The following UBE3B variants were observed in gnomAD, a reference collection of about 807,000 sequenced individuals.
UBE3B encodes the protein ubiquitin-protein ligase E3B.
A neutral mutation model predicts 132.3 loss-of-function variants in UBE3B; 80 were observed. The observed-to-expected ratio is 0.60, with a 90% CI of 0.50 to 0.73. The LOEUF (loss-of-function observed/expected upper bound fraction) is 0.73, where lower values mean the gene tolerates loss of function less well. Among genes scored for constraint, UBE3B ranks in the 30% least tolerant of loss-of-function variants. The pLI, the probability that UBE3B is intolerant of heterozygous loss-of-function variation, is 0.00. For synonymous variants in UBE3B, 487 were observed against 520.4 expected, an observed-to-expected ratio of 0.94 and a Z score of 0.87; for missense variants, 1,196 against 1,362.5, an observed-to-expected ratio of 0.88 and a Z score of 1.92.
At chr12:109,536,842 C>G (rs942111737), downstream of UBE3B, 1 of 152,206 alleles carries the variant, frequency 6.6e-6, no homozygotes, top group Non-Finnish European at 1.5e-5. Flanking sequence ...ATCTCCCCAG[C>G]CAGAGTTCAG....
chr12:109,547,479 G>T, the UBE3B span, among the ~76,000 whole-genome samples: 1 of 152,250 alleles, frequency 6.6e-6, no homozygotes, highest in Admixed American at 6.5e-5. This position sits in a 1 kb window ranked among gnomAD's most constrained non-coding sequence, Gnocchi z 4.1. Flanking sequence ...ACACGCACAC[G>T]CATGCATGCA....
intron 13 of UBE3B, 24 bp downstream of exon 13, chr12:109,501,558 C>T: frequency 6.2e-7 from 1 of 1,601,380 alleles, no homozygotes; most frequent in Non-Finnish European, 8.5e-7. Flanking sequence ...GCAGGCCCAA[C>T]CCTGTAGCTC....
At position 109,524,480 on chromosome 12, in the gene UBE3B, TACG is replaced by T. The variant is rs748791009; in HGVS notation, c.2550_2552del (p.Asp850del). 1 of 1,614,194 alleles carries T rather than the reference TACG, an allele frequency of 6.2e-7. No homozygotes were observed. The highest frequency in any genetic ancestry group is 1.1e-5 in the South Asian group (1 of 91,092). On this transcript the variant is annotated inframe_deletion, in exon 23 of 28. Transcript: ENST00000342494. ...CACTGACCTGGGCCTGACGCTGTCTTACGACGAGGACGTCATGGGTCAGGTAGG... is the reference window on the plus strand; with the variant it reads ...CACTGACCTGGGCCTGACGCTGTCTTACGAGGACGTCATGGGTCAGGTAGG...
intron 14 of UBE3B, among the ~76,000 whole-genome samples, chr12:109,505,087 G>A (rs1879499126): frequency 6.6e-6 from 1 of 152,148 alleles, no homozygotes; most frequent in South Asian, 2.1e-4. Context: ...ATTTTCCCAA[G>A]TGAGAGAATC....
At chr12:109,498,624 G>A (rs1465775399) in intron 11 of UBE3B, among the ~76,000 whole-genome samples, 1 of 152,190 alleles carries the variant, frequency 6.6e-6, no homozygotes, top group South Asian at 2.1e-4. Context: ...AAGTGAAAAT[G>A]TGGTGAATTG....
At chr12:109,499,511 C>T (rs1225097455) in intron 11 of UBE3B, 122 bp from the exon 12 acceptor site, 2 of 1,007,564 alleles carry the variant, frequency 2.0e-6, no homozygotes, top group African/African-American at 3.4e-5. Flanking sequence ...ACAGGTGCCC[C>T]TTATGTGGAA....
rs764552728 is a variant in UBE3B, at chr12:109,486,460, C to T, written c.343-11C>T. The T allele has an allele frequency of 8.8e-6, 14 of 1,591,432 alleles. No individual in the cohort carries two copies. The highest frequency in any genetic ancestry group is 1.2e-5 in the Non-Finnish European group (14 of 1,169,506). On this transcript the variant is annotated splice_polypyrimidine_tract_variant and intron_variant, in intron 5 of 27. Coordinates refer to ENST00000342494, the MANE Select transcript of UBE3B (RefSeq NM_130466.4). ...AACAGCCCATGACATTCCTCTTTTT[C>T]CCACCTATAGGTGTGGTATGTGTCC... is the stretch of plus-strand genomic sequence containing the variant.
intron 2 of UBE3B, among the ~76,000 whole-genome samples, chr12:109,483,066 G>T (rs1351384337): frequency 6.6e-6 from 1 of 152,202 alleles, no homozygotes; most frequent in Admixed American, 6.5e-5. Flanking sequence ...AAATAATCAT[G>T]TTGGATTTTT....
At chr12:109,545,016 G>C in the UBE3B span, among the ~76,000 whole-genome samples, 1 of 152,180 alleles carries the variant, frequency 6.6e-6, no homozygotes, top group Admixed American at 6.5e-5. Context: ...CAGGATATGA[G>C]GAACTGGGAT....
chr12:109,527,860 A>T (rs1272655448), intron 24 of UBE3B, among the ~76,000 whole-genome samples: 4 of 152,202 alleles, frequency 2.6e-5, no homozygotes, highest in Non-Finnish European at 5.9e-5. Context: ...AGGAGGGCTT[A>T]AATGACAGCA....
Position 109,501,386 on chromosome 12 carries a change from G to A in UBE3B, c.1134G>A (p.Met378Ile). ...QSVDYGLNESMHLITKQLQFL... is the reference protein window; with the variant it reads ...QSVDYGLNESIHLITKQLQFL... ...TCTCTCCTAGCCTTAACGAGTCAAT[G>A]CACTTGATCACCAAACAGCTGCAGT... The change falls in exon 13 of 28, where the codon ATG (methionine) becomes ATA (isoleucine). Residue 378 changes from methionine (M) to isoleucine (I), a missense_variant. By Grantham distance (10) the Met-to-Ile change is conservative. Coordinates refer to ENST00000342494, the MANE Select transcript of UBE3B (RefSeq NM_130466.4). 6.2e-7 allele frequency: 1 copy of A among 1,614,138 alleles called. No homozygotes were observed. The highest frequency in any genetic ancestry group is 8.5e-7 in the Non-Finnish European group (1 of 1,180,030).
the UBE3B span, among the ~76,000 whole-genome samples, chr12:109,544,988 T>C: frequency 6.6e-6 from 1 of 152,178 alleles, no homozygotes; most frequent in Non-Finnish European, 1.5e-5. Context: ...GTGAGTGACT[T>C]GCCCAGGGAC....
rs1878486220 is a variant in UBE3B at position 109,498,220 on chromosome 12, C to T, written c.820-13C>T. 4 of 1,613,592 alleles carry T rather than the reference C, an allele frequency of 2.5e-6. No homozygotes were observed. The highest frequency in any genetic ancestry group is 3.4e-6 in the Non-Finnish European group (4 of 1,179,826). ...TGGCAGTTTCTGATTTAACGGTCTG[C>T]TATTCTTTGCAGCGCCTCACTGTTT... On this transcript the variant is annotated splice_polypyrimidine_tract_variant and intron_variant, in intron 10 of 27. Transcript: ENST00000342494.
At chr12:109,490,321 G>C in intron 8 of UBE3B, 1 of 1,370,116 alleles carries the variant, frequency 7.3e-7, no homozygotes, top group Non-Finnish European at 9.7e-7. Flanking sequence ...TTGATGTCTA[G>C]AATCATATTT....
At chr12:109,501,571 C>T (rs1311045510) in intron 13 of UBE3B, 37 bp downstream of exon 13, 4 of 1,594,834 alleles carry the variant, frequency 2.5e-6, no homozygotes, top group Non-Finnish European at 3.4e-6. Flanking sequence ...TGTAGCTCCA[C>T]TTGGCTGAAG....
intron 9 of UBE3B, among the ~76,000 whole-genome samples, chr12:109,496,504 T>G (rs1334766940): frequency 6.6e-6 from 1 of 152,144 alleles, no homozygotes; most frequent in Non-Finnish European, 1.5e-5. Context: ...TTCCCAGGAG[T>G]AGTGTTGTGT....
intron 9 of UBE3B, 157 bp downstream of exon 9, chr12:109,491,284 C>T (rs916845601): frequency 3.7e-6 from 2 of 536,570 alleles, no homozygotes; most frequent in Admixed American, 7.3e-5. Context: ...ACATTTGTGA[C>T]TGCTCAAACT....
At chr12:109,511,938 G>A (rs188419638) in intron 18 of UBE3B, among the ~76,000 whole-genome samples, 38 of 152,294 alleles carry the variant, frequency 2.5e-4, no homozygotes, top group African/African-American at 8.9e-4. Flanking sequence ...TTTTAAGGAG[G>A]CCTCAGAGAA....
chr12:109,487,545 C>T (rs1180648526), intron 6 of UBE3B, among the ~76,000 whole-genome samples: 1 of 152,182 alleles, frequency 6.6e-6, no homozygotes, highest in Non-Finnish European at 1.5e-5. Context: ...ACACTATGTT[C>T]CTCGGAGCCC....
Sources: allele counts gnomAD v4.1 joint callset (sites outside exome capture counted in the v4.1 genomes callset), GRCh38; gene constraint gnomAD v4.1.1; non-coding constraint Gnocchi (gnomAD v3.1); transcripts MANE v1.5; gene names NCBI Gene and HGNC (gene_info 2026-07-23, HGNC 2026-07-21).